Variants in ROBO1 observed in about 807,000 individuals in gnomAD.
ROBO1 encodes roundabout guidance receptor 1.
In ROBO1, 149 loss-of-function variants were observed where a neutral mutation model predicts 195.9. The ratio of observed to expected loss-of-function variants is 0.76; its 90% CI spans 0.67 to 0.87. The LOEUF (loss-of-function observed/expected upper bound fraction) is 0.87, where lower values mean the gene tolerates loss of function less well. Among genes scored for constraint, ROBO1 ranks in the 40% least tolerant of loss-of-function variants. The probability of loss-of-function intolerance (pLI) is 0.00; values close to 1 mark genes in which losing one functional copy is unlikely to be tolerated. For missense variants in ROBO1, 1,933 were observed against 2,068.3 expected (o/e 0.93, Z 1.27); for synonymous variants, 816 against 733.2 (o/e 1.11, Z -1.82).
rs374365626 is a variant in ROBO1, at chr3:78,714,504, T to C, written c.938A>G (p.His313Arg). The change falls in exon 8 of 31, where the codon CAT becomes CGT. Residue 313 changes from histidine to arginine, a missense_variant. His to Arg is a conservative substitution (Grantham distance 29, BLOSUM62 0). Transcript: ENST00000464233. ...PKSRYEIRDD[H>R]TLKIRKVTAG... ...TGTCACCTTCCTAATTTTCAAGGTATGATCATCTCGGATTTCATATCTAAT... is the reference window on the plus strand; with the variant it reads ...TGTCACCTTCCTAATTTTCAAGGTACGATCATCTCGGATTTCATATCTAAT... 3.8e-5 allele frequency: 62 copies of C among 1,611,482 alleles called. No homozygotes were observed. The highest frequency in any genetic ancestry group is 5.1e-5 in the Non-Finnish European group (60 of 1,178,958).
intron 2 of ROBO1, among the ~76,000 whole-genome samples, chr3:79,441,306 T>C (rs979954343): frequency 6.6e-6 from 1 of 152,136 alleles, no homozygotes; most frequent in African/African-American, 2.4e-5. Flanking sequence ...GATCAGTGAA[T>C]GTTAGTTTCT....
At chr3:78,882,480 A>G (rs1203584408) in intron 4 of ROBO1, among the ~76,000 whole-genome samples, 4 of 152,152 alleles carry the variant, frequency 2.6e-5, no homozygotes, top group Admixed American at 1.3e-4. Context: ...CTACTTCAAA[A>G]TACAACAAGC....
chr3:79,006,780 AC>A lies in ROBO1; in HGVS notation c.173-67854del, dbSNP rs1396650637. On this transcript the variant is annotated intron_variant, in intron 3 of 30. Coordinates refer to ENST00000464233, the MANE Select transcript of ROBO1 (RefSeq NM_002941.4). ...CGGAAAAAAAAAAAAAAAAAAACAG[AC>A]TCTCATAAGTTTTATTGTGAGACTG... 4.1e-4 allele frequency among the ~76,000 whole-genome samples: 62 copies of A among 150,146 alleles called. 1 individual carries two copies. The East Asian group carries it at 0.011, about 26-fold the overall frequency.
intron 2 of ROBO1, among the ~76,000 whole-genome samples, chr3:79,387,321 C>T (rs1180094231): frequency 6.6e-6 from 1 of 151,644 alleles, no homozygotes. Flanking sequence ...AGCCCTTTGT[C>T]AACAACATTA....
chr3:79,473,157 G>A (rs893506917), intron 2 of ROBO1, among the ~76,000 whole-genome samples: 1 of 152,024 alleles, frequency 6.6e-6, no homozygotes, highest in Admixed American at 6.6e-5. Flanking sequence ...GTTTAAGCTG[G>A]GGCCTAACTC....
chr3:78,905,952 G>A (rs575664676), intron 4 of ROBO1, among the ~76,000 whole-genome samples: 111 of 152,208 alleles, frequency 7.3e-4, no homozygotes, highest in African/African-American at 2.4e-3. Flanking sequence ...ATTGTCTTCT[G>A]CAGCTAACAG....
At chr3:78,755,405 T>C (rs1167256454) in intron 4 of ROBO1, among the ~76,000 whole-genome samples, 1 of 151,990 alleles carries the variant, frequency 6.6e-6, no homozygotes, top group Non-Finnish European at 1.5e-5. Flanking sequence ...GCCTGGGAGA[T>C]TGAGGCCACT....
At chr3:79,044,365 A>G (rs2078549731) in intron 3 of ROBO1, among the ~76,000 whole-genome samples, 2 of 152,142 alleles carry the variant, frequency 1.3e-5, no homozygotes, top group Non-Finnish European at 2.9e-5. Flanking sequence ...CCTATCTAAT[A>G]TCATCTTATA....
At chr3:79,089,215 G>A (rs562055231) in intron 3 of ROBO1, among the ~76,000 whole-genome samples, 52 of 152,098 alleles carry the variant, frequency 3.4e-4, no homozygotes, top group Non-Finnish European at 5.7e-4. Context: ...TATTCATATA[G>A]AAAATGCAAC....
At chr3:79,602,855 T>C (rs774760162) in intron 1 of ROBO1, among the ~76,000 whole-genome samples, 7 of 152,016 alleles carry the variant, frequency 4.6e-5, no homozygotes, top group Non-Finnish European at 1.0e-4. Flanking sequence ...TGGGCAAGCT[T>C]TGTGCTATAC....
intron 2 of ROBO1, among the ~76,000 whole-genome samples, chr3:79,292,893 A>C (rs2032343555): frequency 6.6e-6 from 1 of 152,196 alleles, no homozygotes; most frequent in Non-Finnish European, 1.5e-5. Flanking sequence ...GGCCTCATAA[A>C]ATAAGTTAGG....
intron 3 of ROBO1, among the ~76,000 whole-genome samples, chr3:79,013,730 C>T (rs1166828385): frequency 6.6e-6 from 1 of 152,120 alleles, no homozygotes; most frequent in East Asian, 1.9e-4. Context: ...AAAATCAGGG[C>T]ACAGTAATAT....
intron 2 of ROBO1, among the ~76,000 whole-genome samples, chr3:79,205,847 T>TA (rs1306344375): frequency 4.0e-5 from 6 of 151,860 alleles, no homozygotes; most frequent in Non-Finnish European, 7.4e-5. Flanking sequence ...TTGAGAAAGT[T>TA]AAAAAAAAGA....
chr3:79,563,944 A>C (rs57929563), intron 2 of ROBO1, among the ~76,000 whole-genome samples: 11,229 of 151,966 alleles, frequency 0.074, 439 homozygotes, highest in East Asian at 0.15. Context: ...TAACTTATGT[A>C]AATTGACTCT....
intron 2 of ROBO1, among the ~76,000 whole-genome samples, chr3:79,458,881 C>T (rs1040163561): frequency 6.6e-6 from 1 of 151,702 alleles, no homozygotes; most frequent in Non-Finnish European, 1.5e-5. Flanking sequence ...CAGAGTAATA[C>T]TTAAAAAGGA....
intron 1 of ROBO1, among the ~76,000 whole-genome samples, chr3:79,675,405 T>A (rs1348297493): frequency 6.6e-6 from 1 of 152,024 alleles, no homozygotes; most frequent in Admixed American, 6.6e-5. Flanking sequence ...CTGAAATTCA[T>A]AGATGATAAA....
chr3:79,327,225 T>A (rs1422716046), intron 2 of ROBO1, among the ~76,000 whole-genome samples: 1 of 152,034 alleles, frequency 6.6e-6, no homozygotes, highest in Non-Finnish European at 1.5e-5. Context: ...AAAAATACTA[T>A]GAGTAGGATC....
At chr3:79,067,424 T>C (rs950415314) in intron 3 of ROBO1, among the ~76,000 whole-genome samples, 4 of 151,992 alleles carry the variant, frequency 2.6e-5, no homozygotes, top group Admixed American at 6.6e-5. Context: ...GTTAGTTTCA[T>C]AATTATTGCA....
At chr3:79,528,112 G>A (rs562732993) in intron 2 of ROBO1, among the ~76,000 whole-genome samples, 15 of 152,060 alleles carry the variant, frequency 9.9e-5, no homozygotes, top group Non-Finnish European at 1.9e-4. Flanking sequence ...ATGAATACAC[G>A]TCCAATTACT....
Sources: gnomAD v4.1 joint callset for allele counts (sites outside exome capture counted in the v4.1 genomes callset) on GRCh38, gnomAD v4.1.1 for gene constraint, MANE v1.5 for transcripts, NCBI Gene and HGNC (gene_info 2026-07-23, HGNC 2026-07-21) for gene names.